Variants in PMEPA1 observed in about 807,000 individuals in gnomAD.
PMEPA1 encodes protein TMEPAI.
In PMEPA1, 11 loss-of-function variants were observed where a neutral mutation model predicts 23.0. The ratio of observed to expected loss-of-function variants is 0.48; its 90% CI spans 0.30 to 0.79. PMEPA1 has a LOEUF of 0.79. Ranked by LOEUF, PMEPA1 falls within the 30% of genes least tolerant of loss-of-function variation. The pLI is 0.06. For missense variants in PMEPA1, 377 were observed against 390.9 expected, an observed-to-expected ratio of 0.96 and a Z score of 0.30; for synonymous variants, 204 against 166.4, an observed-to-expected ratio of 1.23 and a Z score of -1.74.
intron 1 of PMEPA1, among the ~76,000 whole-genome samples, chr20:57,687,591 G>A (rs909557072): frequency 1.7e-4 from 26 of 152,226 alleles, no homozygotes; most frequent in African/African-American, 6.0e-4. Flanking sequence ...CTATCCATCA[G>A]GCAAATACAA....
At position 57,659,524 on chromosome 20, in the gene PMEPA1, G is replaced by A; in HGVS notation, c.264+19C>T. ...ACTGCCGCACCCTCAGGCCACAGAT[G>A]GGATGGCGGGGCACTTACTGAGGAC... On this transcript the variant is annotated intron_variant, in intron 2 of 3. Coordinates refer to ENST00000341744, the MANE Select transcript of PMEPA1 (RefSeq NM_020182.5). The A allele has an allele frequency of 1.2e-6, 2 of 1,610,884 alleles. No homozygotes were observed. Among genetic ancestry groups the A allele is most frequent in the Non-Finnish European group, 1.7e-6 (2 of 1,177,748 alleles).
intron 1 of PMEPA1, chr20:57,690,721 T>C (rs1000008755): frequency 2.1e-6 from 1 of 473,236 alleles, no homozygotes; most frequent in African/African-American, 2.0e-5. Context: ...GTTTTGTAAG[T>C]GACACGCCCA....
At chr20:57,711,271 A>C (rs2072177314), upstream of PMEPA1, 1 of 152,246 alleles carries the variant, frequency 6.6e-6, no homozygotes, top group Non-Finnish European at 1.5e-5. Flanking sequence ...GTTTGGATAG[A>C]GAAGGAAAAG....
Position 57,652,029 on chromosome 20 carries a change from C to T in PMEPA1, c.*24G>A. On this transcript the variant is annotated 3_prime_UTR_variant, in exon 4 of 4. Transcript: ENST00000341744. The surrounding 1 kb of genome is among the most constrained non-coding windows in gnomAD (Gnocchi z 6.1). ...TGTTCTGCCTTTTCACCTACGCAGC[C>T]CCAGCCCGGCCCCCCTGGGGACCCT... 6.9e-7 allele frequency: 1 copy of T among 1,455,266 alleles called. No homozygotes were observed. Among genetic ancestry groups the T allele is most frequent in the Non-Finnish European group, 9.1e-7 (1 of 1,099,432 alleles). 90.1% of individuals were successfully genotyped at this position (1,455,266 alleles called of 1,614,324 possible). A position where few individuals can be genotyped will look rare whatever the true frequency, so the allele number is the denominator to read the frequency against.
rs369710270 is a variant in PMEPA1, at chr20:57,651,954, G to T, written c.*99C>A. 81 of 1,019,514 alleles carry T rather than the reference G, an allele frequency of 7.9e-5. 1 individual carries two copies. In the South Asian group the frequency reaches 1.3e-3, roughly 17 times the overall value. The allele number at this position is 1,019,514 out of a possible 1,614,324, so 63.2% of individuals were successfully genotyped here. On this transcript the variant is annotated 3_prime_UTR_variant, in exon 4 of 4. Transcript: ENST00000341744. ...GTGGGAGGGGAGGGCCACACGATGCGTTGCTGCGCCCCCCGCCTTCCTCTC... is the reference window on the plus strand; with the variant it reads ...GTGGGAGGGGAGGGCCACACGATGCTTTGCTGCGCCCCCCGCCTTCCTCTC...
intron 1 of PMEPA1, among the ~76,000 whole-genome samples, chr20:57,700,955 G>C (rs927494198): frequency 6.6e-6 from 1 of 151,940 alleles, no homozygotes. Context: ...ACTTGAACCC[G>C]GGAGGTAGAG....
At chr20:57,692,425 G>C (rs1207751946) in intron 1 of PMEPA1, among the ~76,000 whole-genome samples, 2 of 152,236 alleles carry the variant, frequency 1.3e-5, no homozygotes, top group African/African-American at 4.8e-5. Flanking sequence ...GGAACTCACA[G>C]GGCGGCCCAG....
intron 1 of PMEPA1, among the ~76,000 whole-genome samples, chr20:57,662,402 AG>A (rs201608432): frequency 0.021 from 3,247 of 152,242 alleles, 49 homozygotes; most frequent in South Asian, 0.034. Flanking sequence ...AAGACCCTAG[AG>A]CTGGCGCGTC....
intron 1 of PMEPA1, among the ~76,000 whole-genome samples, chr20:57,676,308 G>A (rs2071635305): frequency 6.6e-6 from 1 of 152,200 alleles, no homozygotes. Context: ...CTGCTTAAGG[G>A]TGAACTCAAC....
At chr20:57,700,799 G>A (rs751061812) in intron 1 of PMEPA1, among the ~76,000 whole-genome samples, 2 of 152,152 alleles carry the variant, frequency 1.3e-5, no homozygotes, top group Admixed American at 6.5e-5. Context: ...AGGCTGAGGC[G>A]GGCAGATCAC....
chr20:57,660,884 A>G (rs1381944078), intron 1 of PMEPA1, among the ~76,000 whole-genome samples: 1 of 152,092 alleles, frequency 6.6e-6, no homozygotes, highest in Non-Finnish European at 1.5e-5. Flanking sequence ...CAACACCCCA[A>G]CACACACCCC....
At position 57,648,861 on chromosome 20, in the gene PMEPA1, C is replaced by A. The variant is rs2071182402; in HGVS notation, c.*3192G>T. 6.6e-6 allele frequency: 1 copy of A among 152,146 alleles called. No homozygotes were observed. Among genetic ancestry groups the A allele is most frequent in the Admixed American group, 6.5e-5 (1 of 15,280 alleles). The allele number at this position is 152,146 out of a possible 1,614,324, so 9.4% of individuals were successfully genotyped here. On this transcript the variant is annotated 3_prime_UTR_variant, in exon 4 of 4. Transcript: ENST00000341744. ...AAAAATTTCTCTGAAACGTACAATTCATAGGGACGACCAATGAGGACAGGG... is the reference window on the plus strand; with the variant it reads ...AAAAATTTCTCTGAAACGTACAATTAATAGGGACGACCAATGAGGACAGGG...
intron 1 of PMEPA1, among the ~76,000 whole-genome samples, chr20:57,665,170 C>G (rs2071475260): frequency 6.6e-6 from 1 of 152,184 alleles, no homozygotes; most frequent in Non-Finnish European, 1.5e-5. Context: ...TAACACATGA[C>G]CCGGGGCCAC....
At chr20:57,676,914 T>C (rs2146675266) in intron 1 of PMEPA1, among the ~76,000 whole-genome samples, 1 of 152,246 alleles carries the variant, frequency 6.6e-6, no homozygotes, top group Admixed American at 6.5e-5. Context: ...GCCGGAACAA[T>C]CTTTAAAAAA....
intron 1 of PMEPA1, among the ~76,000 whole-genome samples, chr20:57,706,898 G>C (rs1039305305): frequency 5.3e-5 from 8 of 152,184 alleles, no homozygotes; most frequent in East Asian, 1.9e-4. Context: ...GCAGTGGGTG[G>C]GAAGCCCGGT....
At chr20:57,690,554 G>A in intron 1 of PMEPA1, 2 of 1,280,802 alleles carry the variant, frequency 1.6e-6, no homozygotes, top group Admixed American at 2.4e-5. Flanking sequence ...AACTGTAGCA[G>A]GAGGCGGGGT....
At chr20:57,702,446 C>T (rs903415876) in intron 1 of PMEPA1, among the ~76,000 whole-genome samples, 10 of 152,170 alleles carry the variant, frequency 6.6e-5, no homozygotes, top group East Asian at 3.9e-4. Flanking sequence ...GAATGTCAGC[C>T]GGTGTCTTGC....
intron 1 of PMEPA1, among the ~76,000 whole-genome samples, chr20:57,661,469 A>G (rs1280473883): frequency 6.6e-6 from 1 of 152,154 alleles, no homozygotes; most frequent in African/African-American, 2.4e-5. Context: ...CCCGGCTGGC[A>G]TGGGGGCAAG....
chr20:57,688,209 T>A (rs1184077346), intron 1 of PMEPA1, among the ~76,000 whole-genome samples: 1 of 152,230 alleles, frequency 6.6e-6, no homozygotes, highest in East Asian at 1.9e-4. Context: ...CTCAGGTCAG[T>A]GCAACTACTT....
Sources: gnomAD v4.1 joint callset for allele counts (sites outside exome capture counted in the v4.1 genomes callset) on GRCh38, gnomAD v4.1.1 for gene constraint, Gnocchi (gnomAD v3.1) non-coding constraint, MANE v1.5 for transcripts, NCBI Gene and HGNC (gene_info 2026-07-23, HGNC 2026-07-21) for gene names.